Variants in SLC7A14 observed in about 807,000 individuals in gnomAD.
SLC7A14 encodes the protein gamma-aminobutyric acid transporter SLC7A14.
In SLC7A14, 37 loss-of-function variants were observed where a neutral mutation model predicts 60.2. The ratio of observed to expected loss-of-function variants is 0.61; its 90% CI spans 0.47 to 0.81. The LOEUF (loss-of-function observed/expected upper bound fraction) is 0.81, where lower values mean the gene tolerates loss of function less well. Among genes scored for constraint, SLC7A14 ranks in the 30% least tolerant of loss-of-function variants. The pLI is 0.00. For synonymous variants in SLC7A14, 399 were observed against 395.8 expected, an observed-to-expected ratio of 1.01 and a Z score of -0.10; for missense variants, 886 against 982.7, an observed-to-expected ratio of 0.90 and a Z score of 1.32.
chr3:170,490,763 C>T (rs560279825), intron 4 of SLC7A14, among the ~76,000 whole-genome samples: 4 of 152,300 alleles, frequency 2.6e-5, no homozygotes, highest in Admixed American at 2.6e-4. Flanking sequence ...TGACCTAGAA[C>T]AAGTTCTTAA....
chr3:170,578,323 A>G (rs2108318397), intron 1 of SLC7A14, among the ~76,000 whole-genome samples: 1 of 152,352 alleles, frequency 6.6e-6, no homozygotes, highest in East Asian at 1.9e-4. Flanking sequence ...CAGAAAGACA[A>G]TGTAGATTCC....
At chr3:170,516,558 C>CA (rs11414998) in intron 2 of SLC7A14, among the ~76,000 whole-genome samples, 99,864 of 145,206 alleles carry the variant, frequency 0.69, 34,142 homozygotes, top group Middle Eastern at 0.76. Flanking sequence ...CCTGTCTCTA[C>CA]AAAAAAAAAA....
intron 1 of SLC7A14, among the ~76,000 whole-genome samples, chr3:170,556,693 T>G (rs1272378081): frequency 6.6e-6 from 1 of 152,194 alleles, no homozygotes; most frequent in Non-Finnish European, 1.5e-5. Flanking sequence ...TGAGTTGCTG[T>G]AAAAGCCTGT....
chr3:170,474,837 T>G lies in SLC7A14; in HGVS notation c.1993+5452A>C, dbSNP rs536675420. 2.6e-5 allele frequency among the ~76,000 whole-genome samples: 4 copies of G among 152,338 alleles called. No individual in the cohort carries two copies. The South Asian group carries it at 8.3e-4, about 32-fold the overall frequency. On this transcript the variant is annotated intron_variant, in intron 7 of 7. Transcript: ENST00000231706. ...CTAAATCTACAGACAAGAATTTGAT[T>G]TCCTCAGAAAGACTGAAAAAATTCC...
At chr3:170,476,437 C>T (rs1052473379) in intron 7 of SLC7A14, among the ~76,000 whole-genome samples, 5 of 152,188 alleles carry the variant, frequency 3.3e-5, no homozygotes, top group Admixed American at 1.3e-4. Flanking sequence ...CTCTGGCTGG[C>T]CAGCCCCACT....
chr3:170,484,460 C>A (rs922442072), intron 5 of SLC7A14, among the ~76,000 whole-genome samples: 1 of 152,326 alleles, frequency 6.6e-6, no homozygotes, highest in African/African-American at 2.4e-5. Context: ...ATTGATCTGC[C>A]TAACATCCCT....
Position 170,526,832 on chromosome 3 carries a change from C to T in SLC7A14, c.105G>A (p.Met35Ile). 2 of 1,614,194 alleles carry T rather than the reference C, an allele frequency of 1.2e-6. No individual in the cohort carries two copies. Among genetic ancestry groups the T allele is most frequent in the Non-Finnish European group, 1.7e-6 (2 of 1,180,022 alleles). Reference sequence around the variant, plus strand: ...CCGTGGTGGTCCCAGTTCCCTCTAGCATGGACTCCACTGGTTTGGTGCGTA... The same window carrying T: ...CCGTGGTGGTCCCAGTTCCCTCTAGTATGGACTCCACTGGTTTGGTGCGTA... ...RILRTKPVESMLEGTGTTTAH... is the reference protein window; with the variant it reads ...RILRTKPVESILEGTGTTTAH... Residue 35 changes from methionine (M) to isoleucine (I), a missense_variant, in exon 2 of 8, where the codon ATG (methionine) becomes ATA (isoleucine). Physicochemically the swap from Met to Ile is conservative, Grantham distance 10 (BLOSUM62 1). Coordinates refer to ENST00000231706, the MANE Select transcript of SLC7A14 (RefSeq NM_020949.3).
chr3:170,570,058 AT>A (rs1451133542), intron 1 of SLC7A14: 7 of 151,824 alleles, frequency 4.6e-5, no homozygotes, highest in African/African-American at 1.7e-4. Flanking sequence ...AATTTATTCT[AT>A]TTTCTAATGA....
chr3:170,564,068 T>A (rs1714731566), intron 1 of SLC7A14, among the ~76,000 whole-genome samples: 1 of 152,240 alleles, frequency 6.6e-6, no homozygotes, highest in Admixed American at 6.5e-5. Flanking sequence ...TTTGAGTCAC[T>A]ACCCCTTTAA....
At chr3:170,471,735 A>ATT (rs1182643694) in intron 7 of SLC7A14, among the ~76,000 whole-genome samples, 1 of 152,190 alleles carries the variant, frequency 6.6e-6, no homozygotes, top group African/African-American at 2.4e-5. Flanking sequence ...TTGAGGGTGG[A>ATT]TTTGATTTTG....
At chr3:170,568,293 A>G (rs1320350292) in intron 1 of SLC7A14, among the ~76,000 whole-genome samples, 2 of 152,104 alleles carry the variant, frequency 1.3e-5, no homozygotes, top group Non-Finnish European at 2.9e-5. Flanking sequence ...TGTTTTTCTC[A>G]GGTTTGTCAA....
Position 170,526,827 on chromosome 3 carries a change from T to G in SLC7A14, c.110A>C (p.Glu37Ala). The change falls in exon 2 of 8, where the codon GAG becomes GCG. Residue 37 changes from glutamate to alanine, a missense_variant. Physicochemically the swap from Glu to Ala is moderately radical, Grantham distance 107 (BLOSUM62 -1). Coordinates refer to ENST00000231706, the MANE Select transcript of SLC7A14 (RefSeq NM_020949.3). ...LRTKPVESML[E>A]GTGTTTAHGT... ...ATGTGCCGTGGTGGTCCCAGTTCCCTCTAGCATGGACTCCACTGGTTTGGT... is the reference window on the plus strand; with the variant it reads ...ATGTGCCGTGGTGGTCCCAGTTCCCGCTAGCATGGACTCCACTGGTTTGGT... The G allele has an allele frequency of 6.2e-7, 1 of 1,614,178 alleles. No individual in the cohort carries two copies. The highest frequency in any genetic ancestry group is 8.5e-7 in the Non-Finnish European group (1 of 1,180,012).
chr3:170,493,112 A>G (rs1427536252), intron 4 of SLC7A14, among the ~76,000 whole-genome samples: 1 of 152,244 alleles, frequency 6.6e-6, no homozygotes, highest in African/African-American at 2.4e-5. Flanking sequence ...ACTATAAGAT[A>G]GTATCAAGAA....
chr3:170,583,101 T>C (rs1474516052), intron 1 of SLC7A14, among the ~76,000 whole-genome samples: 2 of 152,234 alleles, frequency 1.3e-5, no homozygotes, highest in African/African-American at 2.4e-5. Flanking sequence ...TAGGGCCTTT[T>C]CCCAGTCCCT....
intron 1 of SLC7A14, among the ~76,000 whole-genome samples, chr3:170,541,709 T>C (rs1714020793): frequency 2.0e-5 from 3 of 152,178 alleles, no homozygotes; most frequent in African/African-American, 7.2e-5. Flanking sequence ...TATGGTAAAA[T>C]GTTAAAAATG....
chr3:170,569,458 T>C (rs2108314337), intron 1 of SLC7A14, among the ~76,000 whole-genome samples: 1 of 152,004 alleles, frequency 6.6e-6, no homozygotes, highest in South Asian at 2.1e-4. Flanking sequence ...TCAAGGATAT[T>C]GGTCTAAAAT....
intron 1 of SLC7A14, among the ~76,000 whole-genome samples, chr3:170,529,785 AGTCCATATGACTGAT>A (rs1190770039): frequency 1.3e-5 from 2 of 152,202 alleles, no homozygotes; most frequent in Admixed American, 6.5e-5. Flanking sequence ...ATGGGCCCTT[AGTCCATATGACTGAT>A]GTCCTTATAA....
chr3:170,475,550 T>C (rs139901860), intron 7 of SLC7A14, among the ~76,000 whole-genome samples: 130 of 152,290 alleles, frequency 8.5e-4, no homozygotes, highest in African/African-American at 2.9e-3. Flanking sequence ...CAAAAAATAG[T>C]TTTTGAAAAA....
chr3:170,510,960 G>T (rs535207900), intron 2 of SLC7A14, among the ~76,000 whole-genome samples: 1 of 152,194 alleles, frequency 6.6e-6, no homozygotes, highest in Non-Finnish European at 1.5e-5. Context: ...AGCATCAGCA[G>T]CCCCTTCTTA....
Sources: allele counts gnomAD v4.1 joint callset (sites outside exome capture counted in the v4.1 genomes callset), GRCh38; gene constraint gnomAD v4.1.1; transcripts MANE v1.5; gene names NCBI Gene and HGNC (gene_info 2026-07-23, HGNC 2026-07-21).